AK5: variants seen among roughly 807,000 people sequenced by gnomAD.
AK5 encodes adenylate kinase 5.
A neutral mutation model predicts 69.5 loss-of-function variants in AK5; 27 were observed. The ratio of observed to expected loss-of-function variants is 0.39; its 90% CI spans 0.29 to 0.54. The LOEUF is 0.54. Ranked by LOEUF, AK5 falls within the 20% of genes least tolerant of loss-of-function variation. AK5 has a pLI of 0.71. For synonymous variants in AK5, 260 were observed against 244.4 expected, an observed-to-expected ratio of 1.06 and a Z score of -0.60; for missense variants, 531 against 700.4, an observed-to-expected ratio of 0.76 and a Z score of 2.73.
intron 2 of AK5, among the ~76,000 whole-genome samples, chr1:77,290,571 A>G (rs868302649): frequency 6.6e-6 from 1 of 152,216 alleles, no homozygotes; most frequent in African/African-American, 2.4e-5. Context: ...TGCCACATGC[A>G]TACAATTGAA....
intron 1 of AK5, among the ~76,000 whole-genome samples, chr1:77,286,467 A>G (rs750919944): frequency 3.3e-4 from 50 of 151,656 alleles, no homozygotes; most frequent in Non-Finnish European, 5.4e-4. Context: ...TCAGATCGTA[A>G]TTTCAACTCT....
At chr1:77,492,482 C>T (rs1656059045) in intron 10 of AK5, among the ~76,000 whole-genome samples, 1 of 152,142 alleles carries the variant, frequency 6.6e-6, no homozygotes, top group Admixed American at 6.5e-5. Flanking sequence ...ACTTTGAGAA[C>T]CACCACCATG....
chr1:77,408,828 T>C (rs1649834460), intron 6 of AK5, among the ~76,000 whole-genome samples: 1 of 152,160 alleles, frequency 6.6e-6, no homozygotes. Context: ...CATATGTCAT[T>C]GGGGTTTGTT....
At chr1:77,377,845 A>T (rs1443626603) in intron 6 of AK5, among the ~76,000 whole-genome samples, 2 of 152,064 alleles carry the variant, frequency 1.3e-5, no homozygotes. Flanking sequence ...TTAGCATCCC[A>T]GTATACCTTT....
At chr1:77,335,401 T>G (rs1182359125) in intron 5 of AK5, among the ~76,000 whole-genome samples, 1 of 128,754 alleles carries the variant, frequency 7.8e-6, no homozygotes, top group Non-Finnish European at 1.7e-5. Flanking sequence ...TTTTTTTTTG[T>G]AACTTATTTA....
intron 6 of AK5, among the ~76,000 whole-genome samples, chr1:77,371,830 G>C (rs1456123047): frequency 6.6e-6 from 1 of 152,198 alleles, no homozygotes; most frequent in Non-Finnish European, 1.5e-5. Flanking sequence ...TAGTTATTAA[G>C]TTCTGATACT....
At chr1:77,461,639 G>A (rs1653849886) in intron 8 of AK5, among the ~76,000 whole-genome samples, 3 of 151,762 alleles carry the variant, frequency 2.0e-5, no homozygotes, top group African/African-American at 7.3e-5. Context: ...GCATGGTGGT[G>A]CGCAACTGTA....
At chr1:77,376,498 G>A (rs1194263074) in intron 6 of AK5, among the ~76,000 whole-genome samples, 1 of 145,564 alleles carries the variant, frequency 6.9e-6, no homozygotes, top group Admixed American at 6.9e-5. Flanking sequence ...CTGACTTCAT[G>A]AGTAGTGCAT....
intron 8 of AK5, among the ~76,000 whole-genome samples, chr1:77,420,594 G>A (rs1456800917): frequency 6.6e-6 from 1 of 152,114 alleles, no homozygotes; most frequent in African/African-American, 2.4e-5. Context: ...CTAATTTGAA[G>A]CCAAGGAAAT....
intron 1 of AK5, among the ~76,000 whole-genome samples, chr1:77,285,547 T>C (rs1029830924): frequency 6.6e-6 from 1 of 152,238 alleles, no homozygotes; most frequent in Non-Finnish European, 1.5e-5. Context: ...ACTAACAATG[T>C]ATATTGGTAA....
intron 8 of AK5, among the ~76,000 whole-genome samples, chr1:77,456,893 T>C (rs868798250): frequency 2.6e-5 from 4 of 151,576 alleles, no homozygotes; most frequent in Middle Eastern, 3.4e-3. Context: ...ACTTCACTTT[T>C]CTGGAGCACA....
chr1:77,464,728 C>T (rs1342195275), intron 8 of AK5, among the ~76,000 whole-genome samples: 2 of 151,980 alleles, frequency 1.3e-5, no homozygotes, highest in Admixed American at 6.6e-5. Context: ...TGGAGCAGAG[C>T]GATAACATGG....
chr1:77,484,285 C>A (rs571470884), intron 9 of AK5, among the ~76,000 whole-genome samples: 30 of 152,172 alleles, frequency 2.0e-4, no homozygotes, highest in African/African-American at 6.7e-4. Context: ...TCATAATTGT[C>A]CTAAGTAAAA....
chr1:77,337,567 A>G (rs1557507366), intron 5 of AK5, among the ~76,000 whole-genome samples: 1 of 152,168 alleles, frequency 6.6e-6, no homozygotes, highest in Non-Finnish European at 1.5e-5. Flanking sequence ...TGTTACTGGT[A>G]ATTATGTTAA....
At chr1:77,540,136 A>T (rs1455941069) in intron 13 of AK5, among the ~76,000 whole-genome samples, 1 of 152,258 alleles carries the variant, frequency 6.6e-6, no homozygotes, top group African/African-American at 2.4e-5. Flanking sequence ...AGGAAAGTGC[A>T]GCAAAATTTC....
intron 13 of AK5, 38 bp downstream of exon 13, chr1:77,536,076 T>A: frequency 6.6e-7 from 1 of 1,525,000 alleles, no homozygotes; most frequent in Non-Finnish European, 8.8e-7. Flanking sequence ...ATGAGCCGCT[T>A]ACCTTTTTTT....
intron 13 of AK5, among the ~76,000 whole-genome samples, chr1:77,545,856 G>A (rs1659519330): frequency 6.6e-6 from 1 of 152,164 alleles, no homozygotes; most frequent in East Asian, 1.9e-4. Flanking sequence ...TCCTGCTGGT[G>A]CAGTGAAGAG....
chr1:77,389,152 A>C (rs28482266), intron 6 of AK5, among the ~76,000 whole-genome samples: 2,890 of 152,290 alleles, frequency 0.019, 93 homozygotes, highest in African/African-American at 0.066. Flanking sequence ...ATGAAAGTGG[A>C]TATCCCAAGG....
intron 8 of AK5, among the ~76,000 whole-genome samples, chr1:77,455,480 C>T (rs1275735061): frequency 6.6e-6 from 1 of 152,086 alleles, no homozygotes; most frequent in Non-Finnish European, 1.5e-5. Context: ...GCAAGTAATT[C>T]CTCAATATAA....
Sources: allele counts gnomAD v4.1 joint callset (sites outside exome capture counted in the v4.1 genomes callset), GRCh38; gene constraint gnomAD v4.1.1; transcripts MANE v1.5; gene names NCBI Gene and HGNC (gene_info 2026-07-23, HGNC 2026-07-21).